The following WWTR1 variants were observed in gnomAD, a reference collection of about 807,000 sequenced individuals.
WWTR1 encodes the protein WW domain containing transcription regulator 1.
A neutral mutation model predicts 40.1 loss-of-function variants in WWTR1; 13 were observed. The observed-to-expected ratio is 0.32, with a 90% CI of 0.21 to 0.52. The LOEUF is 0.52. WWTR1 is among the 20% of genes least tolerant of loss of function. The probability of loss-of-function intolerance (pLI) is 0.97; values close to 1 mark genes in which losing one functional copy is unlikely to be tolerated. For synonymous variants in WWTR1, 230 were observed against 210.1 expected (o/e 1.09, Z -0.82); for missense variants, 436 against 523.1 (o/e 0.83, Z 1.63).
intron 1 of WWTR1, among the ~76,000 whole-genome samples, chr3:149,699,285 C>T (rs1715091311): frequency 6.7e-6 from 1 of 149,154 alleles, no homozygotes; most frequent in Non-Finnish European, 1.5e-5. Flanking sequence ...TATTCTAGGT[C>T]ATCATTCTTT....
At position 149,568,523 on chromosome 3, in the gene WWTR1, C is replaced by CAAAAAAAAAAAAAAAAA. The variant is rs34414853; in HGVS notation, c.568+4324_568+4340dup. 2.8e-4 allele frequency among the ~76,000 whole-genome samples: 18 copies of CAAAAAAAAAAAAAAAAA among 64,816 alleles called. 3 individuals carry two copies. The highest frequency in any genetic ancestry group is 5.1e-4 in the Non-Finnish European group (16 of 31,614). The allele number at this position is 64,816 out of a possible 152,430, so 42.5% of individuals were successfully genotyped here. On this transcript the variant is annotated intron_variant, in intron 3 of 6. Transcript: ENST00000360632. ...GGAGATGGCTATTTGAATTAAAGTG[C>CAAAAAAAAAAAAAAAAA]AAAAAAAAAAAAAAAAAAAAAAAAA... is the stretch of plus-strand genomic sequence containing the variant.
chr3:149,710,087 C>G (rs1470103984), intron 5 of WWTR1, among the ~76,000 whole-genome samples: 1 of 152,116 alleles, frequency 6.6e-6, no homozygotes, highest in Non-Finnish European at 1.5e-5. Context: ...ATTCTCCTCA[C>G]ATAAGACTCC....
intron 5 of WWTR1, among the ~76,000 whole-genome samples, chr3:149,710,565 CCG>C (rs1263263973): frequency 3.2e-5 from 2 of 62,694 alleles, no homozygotes; most frequent in Non-Finnish European, 3.7e-5. Flanking sequence ...ATCATTATCC[CCG>C]CCTCCCCCCC....
intron 1 of WWTR1, among the ~76,000 whole-genome samples, chr3:149,695,347 G>A (rs372538997): frequency 1.3e-5 from 2 of 152,036 alleles, no homozygotes; most frequent in East Asian, 3.8e-4. Flanking sequence ...AAAAGCTTGA[G>A]GTGATGATAC....
chr3:149,683,305 G>A (rs1227229062), intron 1 of WWTR1, among the ~76,000 whole-genome samples: 1 of 152,216 alleles, frequency 6.6e-6, no homozygotes, highest in Non-Finnish European at 1.5e-5. Context: ...CTATTAGTGA[G>A]ATTGTTAGTT....
intron 4 of WWTR1, among the ~76,000 whole-genome samples, chr3:149,528,845 G>A (rs1196313196): frequency 1.3e-5 from 2 of 152,210 alleles, no homozygotes; most frequent in East Asian, 3.8e-4. Flanking sequence ...GGGGAACCAT[G>A]TAGATCCAAT....
rs1488907148 is a variant in WWTR1 at position 149,518,827 on chromosome 3, ATC to A, written c.*1976_*1977del. On this transcript the variant is annotated 3_prime_UTR_variant, in exon 7 of 7. Coordinates refer to ENST00000360632, the MANE Select transcript of WWTR1 (RefSeq NM_015472.6). ...AATTGTTGCTTTGTCCTTTTGGGGC[ATC>A]TCTTGCATCTCCTGCTTGTTTTGCT... 6.6e-6 allele frequency: 1 copy of A among 151,554 alleles called. No homozygotes were observed. Among genetic ancestry groups the A allele is most frequent in the Non-Finnish European group, 1.5e-5 (1 of 67,980 alleles). 9.4% of individuals were successfully genotyped at this position (151,554 alleles called of 1,614,324 possible).
chr3:149,724,035 G>T (rs1715817853), intron 4 of WWTR1: 1 of 152,116 alleles, frequency 6.6e-6, no homozygotes, highest in South Asian at 2.1e-4. Context: ...TCAAGCCCTG[G>T]AAGTTATAAG....
intron 2 of WWTR1, among the ~76,000 whole-genome samples, chr3:149,592,838 C>T (rs1344195682): frequency 6.6e-6 from 1 of 152,124 alleles, no homozygotes; most frequent in African/African-American, 2.4e-5. Context: ...GGCTCCTCTC[C>T]ATCCCTTTGA....
chr3:149,596,557 A>C (rs545171403), intron 2 of WWTR1, among the ~76,000 whole-genome samples: 2 of 152,274 alleles, frequency 1.3e-5, no homozygotes, highest in Admixed American at 1.3e-4. Context: ...ACAAGGCAAC[A>C]GCCGTAGTGC....
intron 2 of WWTR1, among the ~76,000 whole-genome samples, chr3:149,590,646 C>T (rs1250915794): frequency 2.0e-5 from 3 of 151,726 alleles, no homozygotes; most frequent in Admixed American, 1.3e-4. Flanking sequence ...GACTCCGTCT[C>T]AAAAAAAAGA....
chr3:149,562,478 T>C (rs1275732699), intron 3 of WWTR1, among the ~76,000 whole-genome samples: 1 of 152,134 alleles, frequency 6.6e-6, no homozygotes, highest in African/African-American at 2.4e-5. Context: ...TCTCATGTTT[T>C]GCCAATCAGC....
chr3:149,674,261 TTCTC>T (rs766564558), intron 1 of WWTR1, among the ~76,000 whole-genome samples: 44 of 141,494 alleles, frequency 3.1e-4, no homozygotes, highest in Non-Finnish European at 5.4e-4. Flanking sequence ...CTGTCTGTCT[TTCTC>T]TATCTCTTTC....
At chr3:149,663,361 C>A (rs1424633426) in intron 2 of WWTR1, among the ~76,000 whole-genome samples, 1 of 151,910 alleles carries the variant, frequency 6.6e-6, no homozygotes, top group African/African-American at 2.4e-5. Flanking sequence ...CTTGCCTCCC[C>A]AACTGGACTG....
intron 4 of WWTR1, among the ~76,000 whole-genome samples, chr3:149,721,345 A>C (rs1297535041): frequency 6.6e-6 from 1 of 152,218 alleles, no homozygotes; most frequent in Non-Finnish European, 1.5e-5. Flanking sequence ...CTTTTTCTGC[A>C]CCACTTGGGA....
chr3:149,666,442 AAG>A (rs757524343), intron 2 of WWTR1, among the ~76,000 whole-genome samples: 22 of 152,336 alleles, frequency 1.4e-4, no homozygotes, highest in African/African-American at 4.8e-4. Context: ...AATCTTAGAT[AAG>A]AGAGTAGATT....
chr3:149,706,905 G>A (rs752363011), upstream of WWTR1, among the ~76,000 whole-genome samples: 1 of 152,082 alleles, frequency 6.6e-6, no homozygotes, highest in African/African-American at 2.4e-5. Flanking sequence ...TGGTATTAGT[G>A]CCAAAACTAC....
At chr3:149,536,872 C>G in intron 4 of WWTR1, among the ~76,000 whole-genome samples, 1 of 152,096 alleles carries the variant, frequency 6.6e-6, no homozygotes, top group East Asian at 1.9e-4. Flanking sequence ...GGAGCCAAGG[C>G]TTTGCCACTT....
chr3:149,568,431 C>A (rs1224796264), intron 3 of WWTR1, among the ~76,000 whole-genome samples: 1 of 145,382 alleles, frequency 6.9e-6, no homozygotes, highest in East Asian at 2.1e-4. Context: ...CAGACAGAAT[C>A]CAAATTGGTA....
Sources: allele counts gnomAD v4.1 joint callset (sites outside exome capture counted in the v4.1 genomes callset), GRCh38; gene constraint gnomAD v4.1.1; transcripts MANE v1.5; gene names NCBI Gene and HGNC (gene_info 2026-07-23, HGNC 2026-07-21).